GABRG1: variants seen among roughly 807,000 people sequenced by gnomAD.
GABRG1 encodes the protein gamma-aminobutyric acid receptor subunit gamma-1.
Under a neutral mutation model 49.8 loss-of-function variants are expected in GABRG1, and 49 were observed. That is an observed-to-expected ratio of 0.98 (90% CI 0.78 to 1.25). GABRG1 has a LOEUF of 1.25. Ranked by LOEUF, GABRG1 falls within the 50% of genes most tolerant of loss-of-function variation. GABRG1 has a pLI of 0.00. For missense variants in GABRG1, 552 were observed against 552.3 expected, an observed-to-expected ratio of 1.00 and a Z score of 0.01; for synonymous variants, 232 against 185.1, an observed-to-expected ratio of 1.25 and a Z score of -2.06.
chr4:46,051,185 G>A (rs1353069796), intron 8 of GABRG1, among the ~76,000 whole-genome samples: 2 of 151,720 alleles, frequency 1.3e-5, no homozygotes, highest in African/African-American at 4.8e-5. Flanking sequence ...CTACCACTGT[G>A]GGAAAATTCA....
Position 46,083,207 on chromosome 4 carries a change from G to A in GABRG1, c.321+779C>T, listed in dbSNP as rs142800679. ...AAATTCTCAAAAAATTACCTATTTTGAAAAAAATGTATTATTTTCATCTCC... is the reference window on the plus strand; with the variant it reads ...AAATTCTCAAAAAATTACCTATTTTAAAAAAAATGTATTATTTTCATCTCC... On this transcript the variant is annotated intron_variant, in intron 3 of 8. Coordinates refer to ENST00000295452, the MANE Select transcript of GABRG1 (RefSeq NM_173536.4). Among the ~76,000 whole-genome samples the A allele has an allele frequency of 8.3e-3, 1,249 of 151,386 alleles. 12 individuals carry two copies. Among genetic ancestry groups the A allele is most frequent in the Middle Eastern group, 0.027 (8 of 294 alleles).
At chr4:46,100,304 C>T (rs1720337891) in intron 1 of GABRG1, among the ~76,000 whole-genome samples, 1 of 151,308 alleles carries the variant, frequency 6.6e-6, no homozygotes, top group Non-Finnish European at 1.5e-5. Context: ...GGGAGCAACA[C>T]ACACTGCGGC....
At chr4:46,105,375 G>T (rs1720500026) in intron 1 of GABRG1, among the ~76,000 whole-genome samples, 1 of 151,518 alleles carries the variant, frequency 6.6e-6, no homozygotes, top group Admixed American at 6.6e-5. Context: ...ATGGAAGAAT[G>T]ATACAGACAA....
At chr4:46,057,446 T>TG (rs1275615083) in intron 7 of GABRG1, among the ~76,000 whole-genome samples, 2 of 152,240 alleles carry the variant, frequency 1.3e-5, no homozygotes, top group East Asian at 3.9e-4. Context: ...TTCACTGATT[T>TG]GGGGGGTGAA....
chr4:46,086,399 G>T (rs559705123), intron 2 of GABRG1, among the ~76,000 whole-genome samples: 1 of 151,510 alleles, frequency 6.6e-6, no homozygotes, highest in Non-Finnish European at 1.5e-5. Flanking sequence ...AACTACAATA[G>T]ATTTTAAAAA....
chr4:46,096,318 T>A lies in GABRG1; in HGVS notation c.253+883A>T, dbSNP rs142312309. ...AAATAATATCAATAACAACTGAGAA[T>A]CCCGAGTAAAGGGCTAATAAATGAA... On this transcript the variant is annotated intron_variant, in intron 2 of 8. Coordinates refer to ENST00000295452, the MANE Select transcript of GABRG1 (RefSeq NM_173536.4). 2.2e-3 allele frequency among the ~76,000 whole-genome samples: 335 copies of A among 151,668 alleles called. 1 individual carries two copies. The highest frequency in any genetic ancestry group is 7.4e-3 in the African/African-American group (308 of 41,468).
intron 5 of GABRG1, among the ~76,000 whole-genome samples, chr4:46,059,458 C>A (rs1405864588): frequency 6.6e-6 from 1 of 151,886 alleles, no homozygotes; most frequent in African/African-American, 2.4e-5. Flanking sequence ...ACGATCTTGG[C>A]TCACTGCTAA....
chr4:46,089,890 G>C (rs1490472374), intron 2 of GABRG1, among the ~76,000 whole-genome samples: 1 of 152,048 alleles, frequency 6.6e-6, no homozygotes, highest in African/African-American at 2.4e-5. Context: ...CTAAGCCCCA[G>C]GAGGTTGAAG....
chr4:46,052,187 A>C (rs1540742), intron 7 of GABRG1, among the ~76,000 whole-genome samples: 76,400 of 151,154 alleles, frequency 0.51, 19,885 homozygotes, highest in African/African-American at 0.62. Context: ...CCAGAAGGAG[A>C]CTGAGTCTCT....
rs367899987 is a variant in GABRG1, at chr4:46,051,404, A to T, written c.1131+20T>A. The T allele has an allele frequency of 2.6e-6, 4 of 1,545,982 alleles. No individual in the cohort carries two copies. The highest frequency in any genetic ancestry group is 3.5e-6 in the Non-Finnish European group (4 of 1,141,920). ...AGTAAGTTGAGGTTTATAAAATAGA[A>T]ATTTTTCTTTTTAACATACCGAGGC... On this transcript the variant is annotated intron_variant, in intron 8 of 8. Transcript: ENST00000295452.
chr4:46,094,743 C>T (rs1451201674), intron 2 of GABRG1, among the ~76,000 whole-genome samples: 17 of 151,892 alleles, frequency 1.1e-4, no homozygotes, highest in Admixed American at 9.9e-4. Context: ...ATAAATAATA[C>T]ACCCCAACAC....
chr4:46,076,935 T>C (rs987389442), intron 3 of GABRG1, among the ~76,000 whole-genome samples: 6 of 151,822 alleles, frequency 4.0e-5, no homozygotes, highest in African/African-American at 4.8e-5. Flanking sequence ...GTGGCTAAAA[T>C]ATTTAATAAT....
intron 2 of GABRG1, among the ~76,000 whole-genome samples, chr4:46,085,655 G>A (rs915511692): frequency 6.6e-6 from 1 of 151,364 alleles, no homozygotes; most frequent in Non-Finnish European, 1.5e-5. Context: ...AACCACGGCT[G>A]GTGATATGCT....
In GABRG1 at chr4:46,097,204, C is replaced by T; in HGVS notation, c.250G>A (p.Gly84Arg). The T allele has an allele frequency of 6.2e-7, 1 of 1,605,806 alleles. No homozygotes were observed. Among genetic ancestry groups the T allele is most frequent in the Non-Finnish European group, 8.5e-7 (1 of 1,175,812 alleles). Reference sequence around the variant, plus strand: ...CAGAATGGTAACTCAAGCTTACCTCCTATATCTGGACGAAGTTTATTGTCA... The same window carrying T: ...CAGAATGGTAACTCAAGCTTACCTCTTATATCTGGACGAAGTTTATTGTCA... ...GYDNKLRPDI[G>R]VRPTVIETDV... is the part of the protein sequence containing the mutation. Residue 84 changes from glycine to arginine, a missense_variant, in exon 2 of 9, where the codon GGA (glycine) becomes AGA (arginine). Physicochemically the swap from Gly to Arg is moderately radical, Grantham distance 125 (BLOSUM62 -2). Coordinates refer to ENST00000295452, the MANE Select transcript of GABRG1 (RefSeq NM_173536.4).
chr4:46,114,700 A>C (rs1365112996), intron 1 of GABRG1, among the ~76,000 whole-genome samples: 1 of 151,034 alleles, frequency 6.6e-6, no homozygotes, highest in Non-Finnish European at 1.5e-5. Context: ...TTTTCAGATA[A>C]AATTACCATG....
At chr4:46,104,014 C>T (rs934427818) in intron 1 of GABRG1, among the ~76,000 whole-genome samples, 1 of 151,202 alleles carries the variant, frequency 6.6e-6, no homozygotes, top group Non-Finnish European at 1.5e-5. Context: ...AGTAAGAGCA[C>T]GTTTAGATAT....
chr4:46,059,291 T>C (rs757666330), intron 5 of GABRG1, among the ~76,000 whole-genome samples: 25 of 152,160 alleles, frequency 1.6e-4, no homozygotes, highest in Non-Finnish European at 3.2e-4. Flanking sequence ...AGCATTACTT[T>C]AGGATAGAGT....
At chr4:46,090,660 AT>A (rs988052225) in intron 2 of GABRG1, among the ~76,000 whole-genome samples, 14 of 152,004 alleles carry the variant, frequency 9.2e-5, no homozygotes, top group East Asian at 3.9e-4. Context: ...AAAACTATAA[AT>A]TTTTTTTAAA....
intron 7 of GABRG1, among the ~76,000 whole-genome samples, chr4:46,056,390 A>T (rs1281483274): frequency 6.6e-6 from 1 of 151,978 alleles, no homozygotes; most frequent in Non-Finnish European, 1.5e-5. Context: ...TGCCTGGAAT[A>T]TCTTTCTGCC....
Sources: gnomAD v4.1 joint callset for allele counts (sites outside exome capture counted in the v4.1 genomes callset) on GRCh38, gnomAD v4.1.1 for gene constraint, MANE v1.5 for transcripts, NCBI Gene and HGNC (gene_info 2026-07-23, HGNC 2026-07-21) for gene names.